Variants in NRXN3 observed in about 807,000 individuals in gnomAD.
NRXN3 encodes the protein neurexin III.
In NRXN3, 32 loss-of-function variants were observed where a neutral mutation model predicts 137.6. The ratio of observed to expected loss-of-function variants is 0.23; its 90% CI spans 0.18 to 0.31. NRXN3 has a LOEUF of 0.31. Ranked by LOEUF, NRXN3 falls within the 10% of genes least tolerant of loss-of-function variation. NRXN3 has a pLI of 1.00. For synonymous variants in NRXN3, 798 were observed against 784.5 expected (o/e 1.02, Z -0.29); for missense variants, 1,574 against 2,062.5 (o/e 0.76, Z 4.59).
At chr14:79,458,101 G>A (rs938273644) in intron 15 of NRXN3, among the ~76,000 whole-genome samples, 10 of 152,042 alleles carry the variant, frequency 6.6e-5, no homozygotes, top group South Asian at 2.1e-4. Context: ...AAGATGTCAC[G>A]TTGCTTTTCT....
intron 6 of NRXN3, among the ~76,000 whole-genome samples, chr14:78,661,800 T>G (rs2097843955): frequency 6.6e-6 from 1 of 152,192 alleles, no homozygotes; most frequent in Non-Finnish European, 1.5e-5. Flanking sequence ...TATACCTACT[T>G]GATAGGGCTG....
intron 6 of NRXN3, among the ~76,000 whole-genome samples, chr14:78,662,521 C>A (rs1329604821): frequency 6.6e-6 from 1 of 152,076 alleles, no homozygotes; most frequent in Non-Finnish European, 1.5e-5. Flanking sequence ...AATGAGTTCT[C>A]CAACACTCAA....
intron 6 of NRXN3, among the ~76,000 whole-genome samples, chr14:78,657,198 G>A (rs138483970): frequency 2.0e-5 from 3 of 152,146 alleles, no homozygotes; most frequent in East Asian, 3.9e-4. Flanking sequence ...TCCCTGAGAG[G>A]ACATGCATTT....
At chr14:78,749,059 G>C (rs2098628519) in intron 8 of NRXN3, among the ~76,000 whole-genome samples, 1 of 152,116 alleles carries the variant, frequency 6.6e-6, no homozygotes, top group Non-Finnish European at 1.5e-5. Flanking sequence ...TCAAATAAGA[G>C]AGTCTGGCCA....
chr14:78,464,126 C>T (rs572206216), intron 4 of NRXN3, among the ~76,000 whole-genome samples: 6 of 150,712 alleles, frequency 4.0e-5, no homozygotes, highest in African/African-American at 1.5e-4. Context: ...GATCTCAGCT[C>T]GCTGCAGCCT....
At chr14:79,802,483 T>C (rs2140522436) in intron 19 of NRXN3, among the ~76,000 whole-genome samples, 1 of 152,294 alleles carries the variant, frequency 6.6e-6, no homozygotes, top group South Asian at 2.1e-4. Context: ...TATGTAACTG[T>C]GGCCTTTTGG....
At chr14:79,285,447 T>A (rs1008197912) in intron 15 of NRXN3, among the ~76,000 whole-genome samples, 12 of 152,190 alleles carry the variant, frequency 7.9e-5, no homozygotes, top group Non-Finnish European at 1.5e-4. Flanking sequence ...TGCCATAAAG[T>A]AGTAAAGTAC....
intron 2 of NRXN3, among the ~76,000 whole-genome samples, chr14:78,256,816 T>C (rs1330132364): frequency 2.0e-5 from 3 of 152,224 alleles, no homozygotes; most frequent in African/African-American, 7.2e-5. Context: ...TTCTTTCTCA[T>C]GGGGAATTTG....
At chr14:78,712,185 A>C (rs1192207266) in intron 7 of NRXN3, among the ~76,000 whole-genome samples, 1 of 152,202 alleles carries the variant, frequency 6.6e-6, no homozygotes, top group East Asian at 1.9e-4. Context: ...TCCCCATTTT[A>C]GTTGGTGATC....
intron 4 of NRXN3, among the ~76,000 whole-genome samples, chr14:78,330,839 TA>T (rs1380684272): frequency 1.3e-5 from 2 of 152,186 alleles, no homozygotes; most frequent in Non-Finnish European, 2.9e-5. Flanking sequence ...ATAACCTCAT[TA>T]ATATCTTTGC....
chr14:78,419,102 C>A (rs1051597731), intron 4 of NRXN3, among the ~76,000 whole-genome samples: 3 of 152,184 alleles, frequency 2.0e-5, no homozygotes, highest in African/African-American at 7.2e-5. Flanking sequence ...TTATTATTAT[C>A]CTTATTTCAA....
intron 15 of NRXN3, among the ~76,000 whole-genome samples, chr14:79,432,558 A>G (rs2095779741): frequency 1.3e-5 from 2 of 152,206 alleles, no homozygotes; most frequent in Admixed American, 6.5e-5. Flanking sequence ...CCCAGTCTGA[A>G]AGAAGAATAT....
At chr14:79,094,979 A>AGAGAGAGAGAGTGTGTGT (rs553957969) in intron 15 of NRXN3, among the ~76,000 whole-genome samples, 3 of 115,880 alleles carry the variant, frequency 2.6e-5, no homozygotes, top group African/African-American at 6.4e-5. Flanking sequence ...AGAGAGAGAG[A>AGAGAGAGAGAGTGTGTGT]GTGTGTGTGT....
At chr14:79,183,515 G>A (rs937389815) in intron 15 of NRXN3, among the ~76,000 whole-genome samples, 10 of 152,210 alleles carry the variant, frequency 6.6e-5, no homozygotes, top group African/African-American at 2.4e-4. Context: ...GTAAACATGA[G>A]TAGTGGGAAA....
chr14:78,613,898 C>T (rs1386658862), intron 4 of NRXN3, among the ~76,000 whole-genome samples: 2 of 152,078 alleles, frequency 1.3e-5, no homozygotes, highest in East Asian at 1.9e-4. Flanking sequence ...TCAGAAATCA[C>T]GGAGAACTCA....
intron 4 of NRXN3, among the ~76,000 whole-genome samples, chr14:78,551,444 T>G (rs550540109): frequency 5.9e-5 from 9 of 152,306 alleles, no homozygotes; most frequent in Non-Finnish European, 8.8e-5. Context: ...GAACATTTAG[T>G]GACTCCCAGG....
rs536356956 is a variant in NRXN3 at position 78,193,461 on chromosome 14, G to A, written c.-704+22787G>A. Among the ~76,000 whole-genome samples the A allele has an allele frequency of 2.6e-5, 4 of 152,222 alleles. No homozygotes were observed. In the South Asian group the frequency reaches 8.3e-4, roughly 32 times the overall value. ...GGCTAGCCAGGGAGTCTGCTGGAGGGTAAGGGCCTATGTCTTACAAACAGA... is the reference window on the plus strand; with the variant it reads ...GGCTAGCCAGGGAGTCTGCTGGAGGATAAGGGCCTATGTCTTACAAACAGA... On this transcript the variant is annotated intron_variant, in intron 1 of 20. Transcript: ENST00000335750.
intron 10 of NRXN3, among the ~76,000 whole-genome samples, chr14:78,900,078 A>T (rs1163970417): frequency 6.6e-6 from 1 of 152,048 alleles, no homozygotes; most frequent in Non-Finnish European, 1.5e-5. Flanking sequence ...ATCTTTCTCC[A>T]TCCAAAGAAA....
At chr14:79,401,962 G>T (rs749671260) in intron 15 of NRXN3, among the ~76,000 whole-genome samples, 9 of 151,974 alleles carry the variant, frequency 5.9e-5, no homozygotes, top group Non-Finnish European at 1.3e-4. Flanking sequence ...TGTCACCCAG[G>T]CTGGAGTGCA....
Sources: allele counts gnomAD v4.1 joint callset (sites outside exome capture counted in the v4.1 genomes callset), GRCh38; gene constraint gnomAD v4.1.1; transcripts MANE v1.5; gene names NCBI Gene and HGNC (gene_info 2026-07-23, HGNC 2026-07-21).